RIMBP2: variants seen among roughly 807,000 people sequenced by gnomAD.
The protein encoded by RIMBP2 is RIMS-binding protein 2.
Under a neutral mutation model 118.6 loss-of-function variants are expected in RIMBP2, and 48 were observed. The ratio of observed to expected loss-of-function variants is 0.40; its 90% confidence interval spans 0.32 to 0.51. The LOEUF (loss-of-function observed/expected upper bound fraction) is 0.51, where lower values mean the gene tolerates loss of function less well. RIMBP2 is among the 20% of genes least tolerant of loss of function. RIMBP2 has a pLI of 0.41. For synonymous variants in RIMBP2, 762 were observed against 742.9 expected (o/e 1.03, Z -0.42); for missense variants, 1,551 against 1,768.3 (o/e 0.88, Z 2.20).
intron 1 of RIMBP2, among the ~76,000 whole-genome samples, chr12:130,645,093 C>CTTT (rs61370338): frequency 1.1e-4 from 16 of 143,672 alleles, no homozygotes; most frequent in Non-Finnish European, 1.8e-4. Flanking sequence ...CAAATCAGAA[C>CTTT]TTTTTTTTTT....
Position 130,424,715 on chromosome 12 carries a change from AC to A in RIMBP2, c.2555del (p.Gly852ValfsTer35). On this transcript the variant is annotated frameshift_variant, in exon 16 of 23. Coordinates refer to ENST00000690449, the MANE Select transcript of RIMBP2 (RefSeq NM_001393629.1). LOFTEE classifies it high-confidence loss of function. This position sits in a 1 kb window ranked among gnomAD's most constrained non-coding sequence, Gnocchi z 9.8. ...TCCTGGCCCTGGGGGACGGCCCTGC[AC>A]CCTGCTTGTGTAGCAGCCCACAGCA... The part of the protein sequence containing the change: ...GECCGLLHKQ[G>X]AGPSPRARTG... 1 of 1,232,096 alleles carries A rather than the reference AC, an allele frequency of 8.1e-7. No individual in the cohort carries two copies. Among genetic ancestry groups the A allele is most frequent in the Non-Finnish European group, 1.0e-6 (1 of 988,032 alleles). 76.3% of individuals were successfully genotyped at this position (1,232,096 alleles called of 1,614,324 possible).
At chr12:130,647,289 G>T (rs1331582272) in intron 1 of RIMBP2, among the ~76,000 whole-genome samples, 3 of 152,172 alleles carry the variant, frequency 2.0e-5, no homozygotes, top group Non-Finnish European at 4.4e-5. Context: ...CTTGAACCCG[G>T]GGGGTGGAGG....
chr12:130,460,542 C>A (rs1310347551), intron 6 of RIMBP2, among the ~76,000 whole-genome samples: 2 of 152,002 alleles, frequency 1.3e-5, no homozygotes, highest in Non-Finnish European at 2.9e-5. Flanking sequence ...TTAATAGCAG[C>A]CTAGTATTAG....
At chr12:130,663,943 C>T (rs1333004402) in intron 1 of RIMBP2, among the ~76,000 whole-genome samples, 5 of 151,672 alleles carry the variant, frequency 3.3e-5, no homozygotes, top group Non-Finnish European at 7.3e-5. Context: ...GCTGTCTTCA[C>T]ACAGCGAAGA....
intron 1 of RIMBP2, among the ~76,000 whole-genome samples, chr12:130,693,827 T>G (rs2065448155): frequency 6.6e-6 from 1 of 152,182 alleles, no homozygotes; most frequent in African/African-American, 2.4e-5. Flanking sequence ...TACTTTCTCT[T>G]GCCCCTCGTC....
At chr12:130,615,090 GTA>G (rs1594047328) in intron 2 of RIMBP2, among the ~76,000 whole-genome samples, 2 of 146,072 alleles carry the variant, frequency 1.4e-5, no homozygotes. Context: ...ACGTGTATGT[GTA>G]TATATGTGTA....
chr12:130,493,068 C>T (rs548941472), intron 4 of RIMBP2, among the ~76,000 whole-genome samples: 12 of 152,136 alleles, frequency 7.9e-5, no homozygotes, highest in Admixed American at 6.5e-4. Flanking sequence ...GCGCAGGAGG[C>T]GGAGGCTGCA....
At chr12:130,474,600 G>A (rs60514768) in intron 5 of RIMBP2, among the ~76,000 whole-genome samples, 29 of 152,340 alleles carry the variant, frequency 1.9e-4, no homozygotes, top group South Asian at 6.2e-4. Flanking sequence ...ATGGAGTGGC[G>A]TCTGGTCTGA....
chr12:130,481,721 C>G (rs1322585736), intron 4 of RIMBP2, among the ~76,000 whole-genome samples: 2 of 152,228 alleles, frequency 1.3e-5, no homozygotes, highest in Non-Finnish European at 2.9e-5. Flanking sequence ...AGGGAAACAC[C>G]ATGCTTGTAT....
At chr12:130,626,611 C>T (rs1566395744) in intron 2 of RIMBP2, among the ~76,000 whole-genome samples, 1 of 151,042 alleles carries the variant, frequency 6.6e-6, no homozygotes, top group African/African-American at 2.4e-5. Context: ...ACCATCTCCT[C>T]CATCACCACG....
At chr12:130,428,634 G>A (rs537179925) in intron 14 of RIMBP2, 23 of 257,928 alleles carry the variant, frequency 8.9e-5, no homozygotes, top group South Asian at 7.5e-4. Context: ...CAAGACACGC[G>A]GGCAGAATGT....
At chr12:130,527,569 A>C (rs2052936585) in intron 2 of RIMBP2, among the ~76,000 whole-genome samples, 1 of 152,200 alleles carries the variant, frequency 6.6e-6, no homozygotes, top group Admixed American at 6.5e-5. Flanking sequence ...TTCTCAGGTG[A>C]GTTTATGACA....
chr12:130,584,130 T>G (rs1275172084), intron 2 of RIMBP2, among the ~76,000 whole-genome samples: 1 of 134,678 alleles, frequency 7.4e-6, no homozygotes, highest in Non-Finnish European at 1.6e-5. Context: ...TTACATATGA[T>G]GTAACCACAT....
chr12:130,483,765 C>G (rs1224123616), intron 4 of RIMBP2, among the ~76,000 whole-genome samples: 6 of 144,264 alleles, frequency 4.2e-5, no homozygotes, highest in Admixed American at 1.4e-4. Context: ...CCGGAGCCCC[C>G]ATCCCTCACC....
At position 130,446,489 on chromosome 12, in the gene RIMBP2, C is replaced by T. The variant is rs933824130; in HGVS notation, c.582-1220G>A. Among the ~76,000 whole-genome samples, 5 of 152,204 alleles carry T rather than the reference C, an allele frequency of 3.3e-5. No homozygotes were observed. The highest frequency in any genetic ancestry group is 4.8e-5 in the African/African-American group (2 of 41,444). On this transcript the variant is annotated intron_variant, in intron 9 of 22. Transcript: ENST00000690449. This position sits in a 1 kb window ranked among gnomAD's most constrained non-coding sequence, Gnocchi z 4.1. Reference sequence around the variant, plus strand: ...GACCCGTCCTGCGCAGTTTTAACCACACCAGGTCACGTGGCCCCTCATGGT... The same window carrying T: ...GACCCGTCCTGCGCAGTTTTAACCATACCAGGTCACGTGGCCCCTCATGGT...
At chr12:130,696,098 G>T (rs1433247210) in intron 1 of RIMBP2, among the ~76,000 whole-genome samples, 2 of 152,196 alleles carry the variant, frequency 1.3e-5, no homozygotes, top group Non-Finnish European at 2.9e-5. Flanking sequence ...AGCTGCAGAA[G>T]GTACCAACGA....
intron 1 of RIMBP2, among the ~76,000 whole-genome samples, chr12:130,712,389 AT>A (rs958862568): frequency 6.6e-6 from 1 of 151,912 alleles, no homozygotes; most frequent in African/African-American, 2.4e-5. Flanking sequence ...TCCCTATTTG[AT>A]TTTTTTGTTT....
rs1243236190 is a variant in RIMBP2 at position 130,621,464 on chromosome 12, A to G, written c.-217+6858T>C. Among the ~76,000 whole-genome samples, 1 of 152,202 alleles carries G rather than the reference A, an allele frequency of 6.6e-6. No homozygotes were observed. The highest frequency in any genetic ancestry group is 1.9e-4 in the East Asian group (1 of 5,178). ...AGTTCCTGGACGTAGCCGTTCCTGA[A>G]GCTAGAATCTCCTCTCTTCAATTAC... On this transcript the variant is annotated intron_variant, in intron 2 of 22. Transcript: ENST00000690449. The surrounding 1 kb of genome is among the most constrained non-coding windows in gnomAD (Gnocchi z 6.6).
chr12:130,449,827 C>T (rs2078844941), intron 9 of RIMBP2, among the ~76,000 whole-genome samples: 1 of 152,032 alleles, frequency 6.6e-6, no homozygotes, highest in Non-Finnish European at 1.5e-5. Context: ...TGGAGCCACG[C>T]AGCTACAAGC....
Sources: allele counts gnomAD v4.1 joint callset (sites outside exome capture counted in the v4.1 genomes callset), GRCh38; gene constraint gnomAD v4.1.1; non-coding constraint Gnocchi (gnomAD v3.1); transcripts MANE v1.5; gene names NCBI Gene and HGNC (gene_info 2026-07-23, HGNC 2026-07-21).